The following DDX24 variants were observed in gnomAD, a reference collection of about 807,000 sequenced individuals.
The protein encoded by DDX24 is ATP-dependent RNA helicase DDX24.
A neutral mutation model predicts 68.9 loss-of-function variants in DDX24; 24 were observed. The observed-to-expected ratio is 0.35, with a 90% confidence interval of 0.25 to 0.49. The LOEUF (loss-of-function observed/expected upper bound fraction) is 0.49. Ranked by LOEUF, DDX24 falls within the 20% of genes least tolerant of loss-of-function variation. The pLI, the probability that DDX24 is intolerant of heterozygous loss-of-function variation, is 0.99. For synonymous variants in DDX24, 395 were observed against 385.2 expected (o/e 1.03, Z -0.30); for missense variants, 989 against 1,039.0 (o/e 0.95, Z 0.66).
At chr14:94,056,518 C>T (rs747706932) in intron 6 of DDX24, 1 of 152,238 alleles carries the variant, frequency 6.6e-6, no homozygotes, top group Non-Finnish European at 1.5e-5. Context: ...GGCATGGCAA[C>T]TCCATGCTCC....
At chr14:94,071,739 A>G (rs563176502) in intron 2 of DDX24, among the ~76,000 whole-genome samples, 53 of 152,328 alleles carry the variant, frequency 3.5e-4, no homozygotes, top group African/African-American at 1.1e-3. Context: ...CGAGGTCGGG[A>G]GTTTGAGACC....
At position 94,079,081 on chromosome 14, in the gene DDX24, A is replaced by C. The variant is rs1567063206; in HGVS notation, c.662T>G (p.Leu221Arg). Residue 221 changes from leucine to arginine, a missense_variant, in exon 2 of 9, where the codon CTG becomes CGG. Coordinates refer to ENST00000621632, the MANE Select transcript of DDX24 (RefSeq NM_020414.4). ...GTCACGGATGGCAGGTGCCAAGGTC[A>C]GGGCTTGGATTGGTGTGGGTGCAGA... ...GFSAPTPIQA[L>R]TLAPAIRDKL... The C allele has an allele frequency of 6.2e-7, 1 of 1,614,224 alleles. No individual in the cohort carries two copies. The highest frequency in any genetic ancestry group is 2.2e-5 in the East Asian group (1 of 44,886).
intron 2 of DDX24, among the ~76,000 whole-genome samples, chr14:94,071,205 T>C (rs1595379083): frequency 6.6e-6 from 1 of 151,684 alleles, no homozygotes; most frequent in South Asian, 2.1e-4. Flanking sequence ...ACAACATAAA[T>C]AGACAATTAT....
At chr14:94,078,637 A>C (rs534444021) in intron 2 of DDX24, among the ~76,000 whole-genome samples, 18 of 152,308 alleles carry the variant, frequency 1.2e-4, no homozygotes, top group Non-Finnish European at 1.8e-4. Context: ...CAAAGGGCTG[A>C]TCTTAGCCTT....
At chr14:94,055,232 C>T (rs1885470831) in intron 6 of DDX24, 48 bp from the exon 7 acceptor site, 2 of 1,580,920 alleles carry the variant, frequency 1.3e-6, no homozygotes, top group Non-Finnish European at 8.6e-7. Context: ...CTGCCAAACA[C>T]TGGTCCTCTC....
chr14:94,058,712 T>C (rs1268358044), intron 5 of DDX24, among the ~76,000 whole-genome samples: 2 of 152,174 alleles, frequency 1.3e-5, no homozygotes, highest in Non-Finnish European at 2.9e-5. Flanking sequence ...GGGTCCTCAC[T>C]CCCTGCATGT....
In DDX24 at chr14:94,060,489, C is replaced by A; in HGVS notation, c.1522G>T (p.Ala508Ser). 6.2e-7 allele frequency: 1 copy of A among 1,614,062 alleles called. No individual in the cohort carries two copies. The highest frequency in any genetic ancestry group is 8.5e-7 in the Non-Finnish European group (1 of 1,180,018). ...GCCTGATGCACCAGGGTGAGTGTGG[C>A]AGAAAAAACAAGCGTTTGTCTCTTT... is the stretch of plus-strand genomic sequence containing the variant. Reference protein sequence around the residue: ...NPKRQTLVFSATLTLVHQAPA... With the variant: ...NPKRQTLVFSSTLTLVHQAPA... Residue 508 changes from alanine (A) to serine (S), a missense_variant, in exon 5 of 9, where the codon GCC (alanine) becomes TCC (serine). By Grantham distance (99) the Ala-to-Ser change is moderately conservative. This residue lies in a region of DDX24 where 691 missense variants were observed against 760.0 expected (regional missense o/e 0.91). Coordinates refer to ENST00000621632, the MANE Select transcript of DDX24 (RefSeq NM_020414.4).
At chr14:94,077,787 G>T (rs1410221957) in intron 2 of DDX24, among the ~76,000 whole-genome samples, 1 of 151,592 alleles carries the variant, frequency 6.6e-6, no homozygotes, top group Non-Finnish European at 1.5e-5. Context: ...CCCAAAGCAC[G>T]TGTCTACTGA....
chr14:94,074,997 TAAGAA>T (rs965307856), intron 2 of DDX24, among the ~76,000 whole-genome samples: 10 of 152,288 alleles, frequency 6.6e-5, no homozygotes, highest in African/African-American at 2.4e-4. Context: ...AAAACATTGC[TAAGAA>T]AAGTTAAAGA....
intron 3 of DDX24, among the ~76,000 whole-genome samples, chr14:94,061,764 G>A (rs1313117821): frequency 6.6e-6 from 1 of 152,108 alleles, no homozygotes; most frequent in African/African-American, 2.4e-5. Context: ...CACCTTTGTA[G>A]TACAAAACCA....
intron 2 of DDX24, among the ~76,000 whole-genome samples, chr14:94,076,823 T>TA (rs1481277570): frequency 6.6e-6 from 1 of 151,724 alleles, no homozygotes; most frequent in East Asian, 1.9e-4. Flanking sequence ...TTTTTGGGGG[T>TA]AATGGATATA....
chr14:94,067,269 C>T (rs980094525), intron 2 of DDX24, among the ~76,000 whole-genome samples: 4 of 151,928 alleles, frequency 2.6e-5, no homozygotes, highest in African/African-American at 9.7e-5. Flanking sequence ...TTCAAATTAA[C>T]CCAATCCAAG....
At chr14:94,052,230 A>G (rs1885401802) in intron 8 of DDX24, among the ~76,000 whole-genome samples, 1 of 152,190 alleles carries the variant, frequency 6.6e-6, no homozygotes, top group Non-Finnish European at 1.5e-5. Context: ...GGAGTTCTAG[A>G]TTTGGTTCTA....
In DDX24 at chr14:94,079,061, G is replaced by A. The variant is rs757884784; in HGVS notation, c.682C>T (p.Arg228Cys). 2 of 1,614,084 alleles carry A rather than the reference G, an allele frequency of 1.2e-6. No homozygotes were observed. Among genetic ancestry groups the A allele is most frequent in the East Asian group, 4.5e-5 (2 of 44,894 alleles). The change falls in exon 2 of 9, where the codon CGT becomes TGT. Residue 228 changes from arginine to cysteine, a missense_variant. By Grantham distance (180) the Arg-to-Cys change is radical (BLOSUM62 -3). Transcript: ENST00000621632. The part of the protein sequence containing the change: ...IQALTLAPAI[R>C]DKLDILGAAE... ...GCCCCAAGGATGTCCAGTTTGTCAC[G>A]GATGGCAGGTGCCAAGGTCAGGGCT...
chr14:94,051,664 G>A (rs533798085), intron 8 of DDX24: 25 of 499,348 alleles, frequency 5.0e-5, no homozygotes, highest in African/African-American at 2.2e-4. Context: ...ACACAGGACC[G>A]CTCTGTCCTT....
In DDX24 at chr14:94,053,073, C is replaced by CCT. The variant is rs1317054210; in HGVS notation, c.2231_2232dup (p.Ala745ArgfsTer42). ...TCAATCCAAGAGTTGTGCAGGCAAG[C>CCT]CTGGAAGTTCCGATACTCAGATTTC... On this transcript the variant is annotated frameshift_variant, in exon 8 of 9. Coordinates refer to ENST00000621632, the MANE Select transcript of DDX24 (RefSeq NM_020414.4). LOFTEE classifies it high-confidence loss of function. 2 of 1,614,174 alleles carry CCT rather than the reference C, an allele frequency of 1.2e-6. No homozygotes were observed. The highest frequency in any genetic ancestry group is 1.7e-6 in the Non-Finnish European group (2 of 1,180,026).
intron 2 of DDX24, among the ~76,000 whole-genome samples, chr14:94,063,950 T>C (rs902714198): frequency 2.0e-5 from 3 of 151,620 alleles, no homozygotes; most frequent in Admixed American, 6.6e-5. Flanking sequence ...TATTTAAACA[T>C]CTTTAAAAAT....
At chr14:94,064,134 T>A (rs975538175) in intron 2 of DDX24, among the ~76,000 whole-genome samples, 2 of 152,094 alleles carry the variant, frequency 1.3e-5, no homozygotes, top group Non-Finnish European at 2.9e-5. Flanking sequence ...ATATATACTA[T>A]AAACCCCAAA....
In DDX24 at chr14:94,079,486, T is replaced by C. The variant is rs765781147; in HGVS notation, c.257A>G (p.Glu86Gly). 13 of 1,613,956 alleles carry C rather than the reference T, an allele frequency of 8.1e-6. No homozygotes were observed. In the Admixed American group the frequency reaches 2.2e-4, roughly 27 times the overall value. ...RKAQAVSEEE[E>G]EEEGKSSSPK... is the part of the protein sequence containing the mutation. ...TGAGCTAGACTTTCCCTCCTCCTCC[T>C]CCTCTTCTTCTGAAACAGCTTGTGC... The change falls in exon 2 of 9, where the codon GAG (glutamate) becomes GGG (glycine). Residue 86 changes from glutamate to glycine, a missense_variant. This residue lies in a region of DDX24 where 295 missense variants were observed against 263.0 expected (regional missense o/e 1.12). Coordinates refer to ENST00000621632, the MANE Select transcript of DDX24 (RefSeq NM_020414.4).
Sources: allele counts gnomAD v4.1 joint callset (sites outside exome capture counted in the v4.1 genomes callset), GRCh38; gene constraint gnomAD v4.1.1; regional missense constraint gnomAD v4.1.1; transcripts MANE v1.5; gene names NCBI Gene and HGNC (gene_info 2026-07-23, HGNC 2026-07-21).